Variants in FAT4 observed in about 807,000 individuals in gnomAD.
The protein encoded by FAT4 is protocadherin Fat 4.
A neutral mutation model predicts 303.9 loss-of-function variants in FAT4; 84 were observed. The ratio of observed to expected loss-of-function variants is 0.28; its 90% CI spans 0.23 to 0.33. FAT4 has a LOEUF of 0.33. FAT4 is among the 10% of genes least tolerant of loss of function. FAT4 has a pLI of 1.00. For synonymous variants in FAT4, 2,307 were observed against 2,298.8 expected (o/e 1.00, Z -0.10); for missense variants, 6,005 against 6,146.8 (o/e 0.98, Z 0.77).
Position 125,448,688 on chromosome 4 carries a change from T to C in FAT4, c.7678T>C (p.Phe2560Leu). ...KTDSTTVTVRFVNKADFPKVR... is the reference protein window; with the variant it reads ...KTDSTTVTVRLVNKADFPKVR... ...AGATTCTACAACAGTGACTGTTAGATTCGTGAATAAGGCCGATTTCCCTAA... is the reference window on the plus strand; with the variant it reads ...AGATTCTACAACAGTGACTGTTAGACTCGTGAATAAGGCCGATTTCCCTAA... The change falls in exon 10 of 18, where the codon TTC (phenylalanine) becomes CTC (leucine). Residue 2560 changes from phenylalanine (F) to leucine (L), a missense_variant. Phe to Leu is a conservative substitution (Grantham distance 22). Coordinates refer to ENST00000394329, the MANE Select transcript of FAT4 (RefSeq NM_001291303.3). 1.2e-6 allele frequency: 2 copies of C among 1,613,960 alleles called. No homozygotes were observed. Among genetic ancestry groups the C allele is most frequent in the Non-Finnish European group, 1.7e-6 (2 of 1,179,912 alleles).
At chr4:125,448,167 C>G (rs572894289) in intron 9 of FAT4, among the ~76,000 whole-genome samples, 10 of 151,976 alleles carry the variant, frequency 6.6e-5, no homozygotes, top group Non-Finnish European at 1.2e-4. Context: ...GATTTTTGAA[C>G]GATTAGCAAG....
chr4:125,316,720 C>T lies in FAT4; in HGVS notation c.309C>T (p.Ser103=). 1 of 1,613,880 alleles carries T rather than the reference C, an allele frequency of 6.2e-7. No homozygotes were observed. The highest frequency in any genetic ancestry group is 8.5e-7 in the Non-Finnish European group (1 of 1,180,032). ...CCATCGACCGCGAGAGCCTGCCCAG[C>T]GACGTGATCAACCTGGTGGTCCTTT... is the stretch of plus-strand genomic sequence containing the variant. ...TSTIDRESLP[S]DVINLVVLSS... The change falls in exon 2 of 18, where the codon AGC becomes AGT. Residue 103 remains serine, a synonymous_variant. Coordinates refer to ENST00000394329, the MANE Select transcript of FAT4 (RefSeq NM_001291303.3). The surrounding 1 kb of genome is among the most constrained non-coding windows in gnomAD (Gnocchi z 5.7).
At chr4:125,400,089 A>G (rs1043697390) in intron 3 of FAT4, among the ~76,000 whole-genome samples, 1 of 152,090 alleles carries the variant, frequency 6.6e-6, no homozygotes, top group Admixed American at 6.6e-5. Flanking sequence ...GCATAGGACA[A>G]TTGACATCAA....
intron 16 of FAT4, among the ~76,000 whole-genome samples, chr4:125,483,584 G>A (rs898667172): frequency 2.0e-5 from 3 of 152,094 alleles, no homozygotes; most frequent in Admixed American, 6.5e-5. Flanking sequence ...ACAGGACAGC[G>A]CATACAACTC....
chr4:125,486,143 C>CTT (rs532857051), intron 16 of FAT4, among the ~76,000 whole-genome samples: 36,744 of 138,842 alleles, frequency 0.26, 5,514 homozygotes, highest in East Asian at 0.59. Flanking sequence ...AAGGCTTTTC[C>CTT]TTTTTTTTTT....
chr4:125,317,805 T>C lies in FAT4; in HGVS notation c.1394T>C (p.Val465Ala), dbSNP rs1730697817. 1.2e-6 allele frequency: 2 copies of C among 1,614,214 alleles called. No homozygotes were observed. Among genetic ancestry groups the C allele is most frequent in the Non-Finnish European group, 1.7e-6 (2 of 1,180,032 alleles). ...RSSVASLVIF[V>A]NDINDHPPVF... Reference sequence around the variant, plus strand: ...TCTGTGGCAAGCCTGGTGATTTTTGTTAATGACATCAATGACCATCCTCCT... The same window carrying C: ...TCTGTGGCAAGCCTGGTGATTTTTGCTAATGACATCAATGACCATCCTCCT... The change falls in exon 2 of 18, where the codon GTT (valine) becomes GCT (alanine). Residue 465 changes from valine to alanine, a missense_variant. Coordinates refer to ENST00000394329, the MANE Select transcript of FAT4 (RefSeq NM_001291303.3). The surrounding 1 kb of genome is among the most constrained non-coding windows in gnomAD (Gnocchi z 7.0).
chr4:125,399,805 A>G (rs1734314193), intron 3 of FAT4, among the ~76,000 whole-genome samples: 1 of 152,018 alleles, frequency 6.6e-6, no homozygotes, highest in Non-Finnish European at 1.5e-5. Context: ...GCAATTTGCT[A>G]TTAGAAAAGA....
chr4:125,380,580 CTT>C (rs1201934090), intron 2 of FAT4, among the ~76,000 whole-genome samples: 1 of 152,120 alleles, frequency 6.6e-6, no homozygotes, highest in Admixed American at 6.6e-5. Context: ...AATTTATTCT[CTT>C]ATTAAAAATT....
At chr4:125,418,279 T>G (rs2126030504) in intron 7 of FAT4, among the ~76,000 whole-genome samples, 1 of 152,348 alleles carries the variant, frequency 6.6e-6, no homozygotes, top group South Asian at 2.1e-4. Context: ...GCATTTTTTT[T>G]GAACTATTAC....
rs1423768581 is a variant in FAT4, at chr4:125,452,909, G to A, written c.11800+99G>A. 5.9e-6 allele frequency: 8 copies of A among 1,353,960 alleles called. No homozygotes were observed. In the Admixed American group the frequency reaches 6.9e-5, roughly 12 times the overall value. The allele number at this position is 1,353,960 out of a possible 1,614,324, so 83.9% of individuals were successfully genotyped here. On this transcript the variant is annotated intron_variant, in intron 10 of 17. Coordinates refer to ENST00000394329, the MANE Select transcript of FAT4 (RefSeq NM_001291303.3). ...ATTTTCCAATGATTTTCATATAAAT[G>A]AGCATAATAGTAACAAATGTTTTTA...
intron 16 of FAT4, among the ~76,000 whole-genome samples, chr4:125,482,083 T>C (rs1161100683): frequency 6.6e-6 from 1 of 152,240 alleles, no homozygotes; most frequent in East Asian, 1.9e-4. Flanking sequence ...AATATAATGT[T>C]TGTTTGAAAT....
At position 125,477,243 on chromosome 4, in the gene FAT4, C is replaced by T. The variant is rs750135958; in HGVS notation, c.12388C>T (p.His4130Tyr). ...TCAGAGAAGAGGACACGTGGAAAGC[C>T]ATGATTTTGTTGGGTGTATAATGGA... ...ILQRRGHVES[H>Y]DFVGCIMEFA... Residue 4130 changes from histidine to tyrosine, a missense_variant, in exon 14 of 18, where the codon CAT becomes TAT. By Grantham distance (83) the His-to-Tyr change is moderately conservative (BLOSUM62 2). Transcript: ENST00000394329. 6.4e-7 allele frequency: 1 copy of T among 1,552,826 alleles called. No individual in the cohort carries two copies. The highest frequency in any genetic ancestry group is 1.8e-5 in the Admixed American group (1 of 55,076).
intron 16 of FAT4, among the ~76,000 whole-genome samples, chr4:125,482,464 A>T (rs1462279400): frequency 6.6e-6 from 1 of 152,112 alleles, no homozygotes; most frequent in East Asian, 1.9e-4. Context: ...AGCTTTCTGA[A>T]GTTTTAAACC....
At chr4:125,461,610 C>T (rs1477545521) in intron 10 of FAT4, among the ~76,000 whole-genome samples, 1 of 151,798 alleles carries the variant, frequency 6.6e-6, no homozygotes, top group African/African-American at 2.4e-5. Context: ...TTTAACACAA[C>T]TCTAAAATAA....
At chr4:125,364,290 G>A (rs1224408569) in intron 2 of FAT4, among the ~76,000 whole-genome samples, 2 of 151,744 alleles carry the variant, frequency 1.3e-5, no homozygotes, top group East Asian at 1.9e-4. Flanking sequence ...TAATCTTATA[G>A]CATCATCTGT....
chr4:125,395,508 C>T (rs913097018), intron 2 of FAT4, among the ~76,000 whole-genome samples: 9 of 152,052 alleles, frequency 5.9e-5, no homozygotes, highest in Non-Finnish European at 1.5e-5. Flanking sequence ...TGGGGTTTTG[C>T]CATGTTGGCC....
rs754892086 is a variant in FAT4 at position 125,407,054 on chromosome 4, A to C, written c.5482A>C (p.Asn1828His). Residue 1828 changes from asparagine to histidine, a missense_variant, in exon 4 of 18, where the codon AAT becomes CAT. Transcript: ENST00000394329. ...DGLQSSDMRI[N>H]ITVSDVNDHT... ...TCTTCAGTCCTCGGATATGAGAATTAATATCACTGTCAGTGATGTGAATGA... is the reference window on the plus strand; with the variant it reads ...TCTTCAGTCCTCGGATATGAGAATTCATATCACTGTCAGTGATGTGAATGA... The C allele has an allele frequency of 1.9e-6, 3 of 1,613,654 alleles. No homozygotes were observed. Among genetic ancestry groups the C allele is most frequent in the East Asian group, 2.2e-5 (1 of 44,846 alleles).
At chr4:125,429,299 C>G (rs1453307203) in intron 7 of FAT4, among the ~76,000 whole-genome samples, 2 of 152,138 alleles carry the variant, frequency 1.3e-5, no homozygotes, top group African/African-American at 4.8e-5. Flanking sequence ...TTAATACAGA[C>G]AGAGCACAAG....
chr4:125,476,590 A>G (rs1727038755), intron 13 of FAT4, among the ~76,000 whole-genome samples: 1 of 152,338 alleles, frequency 6.6e-6, no homozygotes, highest in African/African-American at 2.4e-5. Flanking sequence ...ATGCGTTTCT[A>G]AAAGTTTACG....
Sources: gnomAD v4.1 joint callset for allele counts (sites outside exome capture counted in the v4.1 genomes callset) on GRCh38, gnomAD v4.1.1 for gene constraint, Gnocchi (gnomAD v3.1) non-coding constraint, MANE v1.5 for transcripts, NCBI Gene and HGNC (gene_info 2026-07-23, HGNC 2026-07-21) for gene names.